The following USP34 variants were observed in gnomAD, a reference collection of about 807,000 sequenced individuals.
USP34 encodes ubiquitin carboxyl-terminal hydrolase 34.
Under a neutral mutation model 460.3 loss-of-function variants are expected in USP34, and 70 were observed. That is an observed-to-expected ratio of 0.15 (90% CI 0.13 to 0.19). The LOEUF (loss-of-function observed/expected upper bound fraction) is 0.19. USP34 is among the 10% of genes least tolerant of loss of function. The probability of loss-of-function intolerance (pLI) is 1.00; values close to 1 mark genes in which losing one functional copy is unlikely to be tolerated. For synonymous variants in USP34, 1,647 were observed against 1,405.3 expected, an observed-to-expected ratio of 1.17 and a Z score of -3.85; for missense variants, 3,985 against 4,236.2, an observed-to-expected ratio of 0.94 and a Z score of 1.65.
At chr2:61,378,913 G>GAAATAAAAAAAAAA (rs1692879495) in intron 7 of USP34, among the ~76,000 whole-genome samples, 1 of 57,874 alleles carries the variant, frequency 1.7e-5, no homozygotes, top group Admixed American at 3.4e-4. Flanking sequence ...TCAAAAAAAC[G>GAAATAAAAAAAAAA]AAAAAAAAAA....
At chr2:61,370,113 G>C (rs1475402136) in intron 10 of USP34, among the ~76,000 whole-genome samples, 1 of 151,972 alleles carries the variant, frequency 6.6e-6, no homozygotes, top group Non-Finnish European at 1.5e-5. Flanking sequence ...ATGGTTTCAT[G>C]AAGAAGCTCC....
At chr2:61,194,945 C>CTTTTTTTTTTTTT (rs1686753806) in intron 75 of USP34, among the ~76,000 whole-genome samples, 1 of 108,144 alleles carries the variant, frequency 9.2e-6, no homozygotes, top group African/African-American at 3.6e-5. Flanking sequence ...AAGAGTGAAA[C>CTTTTTTTTTTTTT]TCTGTCAAAA....
chr2:61,321,385 T>G (rs965816379), intron 21 of USP34, among the ~76,000 whole-genome samples: 2 of 151,710 alleles, frequency 1.3e-5, no homozygotes, highest in Non-Finnish European at 2.9e-5. Flanking sequence ...GCAAGAGAAT[T>G]GCTTGAACCT....
chr2:61,293,109 C>T (rs1243523203), intron 33 of USP34, among the ~76,000 whole-genome samples: 1 of 151,340 alleles, frequency 6.6e-6, no homozygotes, highest in Non-Finnish European at 1.5e-5. Context: ...ATGATCACAA[C>T]AAAATAAAAC....
In USP34 at chr2:61,283,416, T is replaced by C. The variant is rs764259609; in HGVS notation, c.4866A>G (p.Arg1622=). The change falls in exon 36 of 80, where the codon AGA becomes AGG. Residue 1622 remains arginine (R), a synonymous_variant. Transcript: ENST00000398571. Reference sequence around the variant, plus strand: ...ACTTTGTGGAACCCTTACCTTCATGTCTAGACCTGTGATCAGACTGAGCTT... The same window carrying C: ...ACTTTGTGGAACCCTTACCTTCATGCCTAGACCTGTGATCAGACTGAGCTT... ...VLKAQSDHRS[R]HEVSHYSMWL... The C allele has an allele frequency of 1.1e-5, 17 of 1,607,020 alleles. No homozygotes were observed. The highest frequency in any genetic ancestry group is 1.2e-5 in the Non-Finnish European group (14 of 1,177,444).
At chr2:61,257,695 G>A (rs530302142) in intron 44 of USP34, among the ~76,000 whole-genome samples, 7 of 151,924 alleles carry the variant, frequency 4.6e-5, no homozygotes, top group African/African-American at 1.7e-4. Context: ...TCAAGAGATT[G>A]AGACCATCCT....
intron 1 of USP34, among the ~76,000 whole-genome samples, chr2:61,440,199 G>T (rs1000235450): frequency 6.6e-6 from 1 of 152,104 alleles, no homozygotes; most frequent in Non-Finnish European, 1.5e-5. Context: ...GCGGACATCA[G>T]CCTCTTCCTC....
chr2:61,387,069 T>A (rs2103880138), intron 5 of USP34, among the ~76,000 whole-genome samples: 1 of 152,222 alleles, frequency 6.6e-6, no homozygotes. Flanking sequence ...GACAATCCAA[T>A]TTTGCAAATG....
intron 2 of USP34, among the ~76,000 whole-genome samples, chr2:61,419,713 A>G (rs1694302858): frequency 6.6e-6 from 1 of 152,178 alleles, no homozygotes; most frequent in Non-Finnish European, 1.5e-5. Context: ...TGTAGTTACA[A>G]TAATTAAAAC....
In USP34 at chr2:61,235,910, G is replaced by C; in HGVS notation, c.6967C>G (p.Pro2323Ala). ...LETFIHSKEK[P>A]TMLQWIELLT... The stretch of plus-strand genomic sequence containing the variant: ...AGTTCAATCCACTGAAGCATCGTGG[G>C]CTAGAAAAGAAAAGTCAGTCAAAGC... Residue 2323 changes from proline (P) to alanine (A), a missense_variant and splice_region_variant, in exon 57 of 80, where the codon CCC (proline) becomes GCC (alanine). Physicochemically the swap from Pro to Ala is conservative, Grantham distance 27 (BLOSUM62 -1). Transcript: ENST00000398571. The C allele has an allele frequency of 6.2e-7, 1 of 1,611,884 alleles. No homozygotes were observed. Among genetic ancestry groups the C allele is most frequent in the Non-Finnish European group, 8.5e-7 (1 of 1,179,450 alleles).
intron 8 of USP34, among the ~76,000 whole-genome samples, chr2:61,370,876 G>C (rs1692602000): frequency 6.6e-6 from 1 of 152,158 alleles, no homozygotes; most frequent in African/African-American, 2.4e-5. Context: ...CGAGGTCTTT[G>C]CCTTCCCACT....
At chr2:61,318,601 T>C (rs1162924879) in intron 22 of USP34, among the ~76,000 whole-genome samples, 6 of 152,216 alleles carry the variant, frequency 3.9e-5, no homozygotes, top group Non-Finnish European at 8.8e-5. Flanking sequence ...TCACTGAGTT[T>C]CAAAATTCAA....
intron 27 of USP34, among the ~76,000 whole-genome samples, chr2:61,309,856 C>A (rs540899884): frequency 6.6e-6 from 1 of 152,178 alleles, no homozygotes; most frequent in Non-Finnish European, 1.5e-5. Context: ...AACCTTCCCA[C>A]TGATATCCCC....
intron 75 of USP34, among the ~76,000 whole-genome samples, chr2:61,201,971 C>T (rs771216127): frequency 1.3e-5 from 2 of 152,162 alleles, no homozygotes; most frequent in Non-Finnish European, 2.9e-5. Context: ...GTGCATAATC[C>T]TGAAACGGCC....
intron 10 of USP34, among the ~76,000 whole-genome samples, chr2:61,365,793 A>G (rs1378017040): frequency 6.6e-6 from 1 of 152,150 alleles, no homozygotes; most frequent in Non-Finnish European, 1.5e-5. Context: ...GGAAAATGAG[A>G]AAGGAGAAAA....
intron 62 of USP34, chr2:61,223,509 A>G: frequency 3.8e-6 from 2 of 531,680 alleles, no homozygotes; most frequent in Non-Finnish European, 6.6e-6. Context: ...AATGTACTTC[A>G]TTTTCATTTA....
At chr2:61,449,665 A>G (rs1038309266) in intron 1 of USP34, among the ~76,000 whole-genome samples, 2 of 152,222 alleles carry the variant, frequency 1.3e-5, no homozygotes, top group Admixed American at 1.3e-4. Context: ...AAAACCCTAT[A>G]TATGTACAGG....
At chr2:61,452,255 T>C (rs564188455) in intron 1 of USP34, among the ~76,000 whole-genome samples, 61 of 150,048 alleles carry the variant, frequency 4.1e-4, no homozygotes, top group African/African-American at 1.4e-3. Flanking sequence ...AACAAAAGAC[T>C]ACTTGCCATT....
At chr2:61,433,101 T>G (rs1260792792) in intron 1 of USP34, among the ~76,000 whole-genome samples, 4 of 152,100 alleles carry the variant, frequency 2.6e-5, no homozygotes, top group Non-Finnish European at 5.9e-5. Flanking sequence ...AATAAACAGC[T>G]AAGATCTGAC....
Sources: allele counts gnomAD v4.1 joint callset (sites outside exome capture counted in the v4.1 genomes callset), GRCh38; gene constraint gnomAD v4.1.1; transcripts MANE v1.5; gene names NCBI Gene and HGNC (gene_info 2026-07-23, HGNC 2026-07-21).